FLT4: variants seen among roughly 807,000 people sequenced by gnomAD.
FLT4 encodes the protein vascular endothelial growth factor receptor 3.
A neutral mutation model predicts 163.2 loss-of-function variants in FLT4; 30 were observed. The ratio of observed to expected loss-of-function variants is 0.18; its 90% CI spans 0.14 to 0.25. The LOEUF is 0.25. Ranked by LOEUF, FLT4 falls within the 10% of genes least tolerant of loss-of-function variation. The pLI is 1.00. For synonymous variants in FLT4, 884 were observed against 789.5 expected, an observed-to-expected ratio of 1.12 and a Z score of -2.01; for missense variants, 1,510 against 1,863.8, an observed-to-expected ratio of 0.81 and a Z score of 3.50.
chr5:180,636,960 C>T lies in FLT4; in HGVS notation c.59-5182G>A, dbSNP rs914264208. Among the ~76,000 whole-genome samples, 4 of 152,158 alleles carry T rather than the reference C, an allele frequency of 2.6e-5. No individual in the cohort carries two copies. Among genetic ancestry groups the T allele is most frequent in the South Asian group, 2.1e-4 (1 of 4,820 alleles). On this transcript the variant is annotated intron_variant, in intron 1 of 29. Coordinates refer to ENST00000261937, the MANE Select transcript of FLT4 (RefSeq NM_182925.5). The surrounding 1 kb of genome is among the most constrained non-coding windows in gnomAD (Gnocchi z 4.3). ...ACAGCACAACACTGGCAGCACAAGGCCCCCACAGGAGCTCCTCCCCCCCAT... is the reference window on the plus strand; with the variant it reads ...ACAGCACAACACTGGCAGCACAAGGTCCCCACAGGAGCTCCTCCCCCCCAT...
chr5:180,619,886 C>A (rs1189121948), intron 17 of FLT4, 117 bp from the exon 18 acceptor site: 2 of 765,670 alleles, frequency 2.6e-6, no homozygotes, highest in African/African-American at 1.7e-5. Context: ...GCAGGAGGAG[C>A]GTGGGGAGCC....
chr5:180,639,987 A>G (rs1764979843), intron 1 of FLT4, among the ~76,000 whole-genome samples: 1 of 152,184 alleles, frequency 6.6e-6, no homozygotes, highest in Non-Finnish European at 1.5e-5. Context: ...TGGAGGTCAG[A>G]AAGGCCAGAA....
chr5:180,620,599 G>A lies in FLT4; in HGVS notation c.2406+10C>T, dbSNP rs145063070. 12 of 1,592,172 alleles carry A rather than the reference G, an allele frequency of 7.5e-6. No individual in the cohort carries two copies. The Admixed American group carries it at 1.8e-4, about 24-fold the overall frequency. On this transcript the variant is annotated intron_variant, in intron 16 of 29. Transcript: ENST00000261937. This position sits in a 1 kb window ranked among gnomAD's most constrained non-coding sequence, Gnocchi z 4.4. ...GAGAGACTCCATCAGGAGCGGGGAG[G>A]GACACTCACCCTCCTCATGTTACAG...
At chr5:180,617,052 C>T in intron 21 of FLT4, 58 bp from the exon 22 acceptor site, 1 of 1,269,530 alleles carries the variant, frequency 7.9e-7, no homozygotes, top group South Asian at 1.2e-5. Flanking sequence ...TCCATCTACC[C>T]AGCCCCAGGG....
chr5:180,632,850 C>A (rs1187098833), intron 1 of FLT4, among the ~76,000 whole-genome samples: 2 of 152,030 alleles, frequency 1.3e-5, no homozygotes, highest in Non-Finnish European at 2.9e-5. Flanking sequence ...AGGTCTGGGT[C>A]TGGAACTCTG....
chr5:180,647,426 GC>G (rs1461345904), intron 1 of FLT4, among the ~76,000 whole-genome samples: 2 of 152,062 alleles, frequency 1.3e-5, no homozygotes, highest in East Asian at 3.9e-4. Context: ...AAAGGAGGGG[GC>G]CCAGGTCACA....
intron 1 of FLT4, among the ~76,000 whole-genome samples, chr5:180,638,454 A>C (rs1055950035): frequency 3.3e-5 from 5 of 152,196 alleles, no homozygotes; most frequent in Admixed American, 2.0e-4. Flanking sequence ...CACGCACCCC[A>C]AAGTGGCTTC....
chr5:180,630,212 G>A lies in FLT4; in HGVS notation c.513+13C>T, dbSNP rs2127836747. 2 of 1,611,194 alleles carry A rather than the reference G, an allele frequency of 1.2e-6. No individual in the cohort carries two copies. On this transcript the variant is annotated intron_variant, in intron 4 of 29. Coordinates refer to ENST00000261937, the MANE Select transcript of FLT4 (RefSeq NM_182925.5). The surrounding 1 kb of genome is among the most constrained non-coding windows in gnomAD (Gnocchi z 6.3). ...TGGGAGGGTCGGATGCTGGGGTTGG[G>A]GTGGGGCCGTACCGAGCGCAGCGTG... is the stretch of plus-strand genomic sequence containing the variant.
At position 180,636,784 on chromosome 5, in the gene FLT4, C is replaced by T. The variant is rs1764722099; in HGVS notation, c.59-5006G>A. 6.6e-6 allele frequency among the ~76,000 whole-genome samples: 1 copy of T among 152,110 alleles called. No individual in the cohort carries two copies. Among genetic ancestry groups the T allele is most frequent in the African/African-American group, 2.4e-5 (1 of 41,420 alleles). On this transcript the variant is annotated intron_variant, in intron 1 of 29. Coordinates refer to ENST00000261937, the MANE Select transcript of FLT4 (RefSeq NM_182925.5). This position sits in a 1 kb window ranked among gnomAD's most constrained non-coding sequence, Gnocchi z 4.3. ...TCCCCTGTTCTTGATCCACATCCTT[C>T]AGCCTCATCAAAGCCCCCACTGCTT... is the stretch of plus-strand genomic sequence containing the variant.
chr5:180,626,598 T>A (rs1436477414), intron 8 of FLT4, among the ~76,000 whole-genome samples: 1 of 152,194 alleles, frequency 6.6e-6, no homozygotes. Context: ...CTTCTCTCCC[T>A]GCCTGTGGCT....
chr5:180,626,442 C>T (rs911859148), intron 8 of FLT4, among the ~76,000 whole-genome samples, 177 bp from the exon 9 acceptor site: 1 of 152,176 alleles, frequency 6.6e-6, no homozygotes, highest in Non-Finnish European at 1.5e-5. Context: ...GGTCTCCAGG[C>T]CGTATCTGCC....
chr5:180,617,027 G>A (rs759265134), intron 21 of FLT4, 33 bp from the exon 22 acceptor site: 27 of 1,517,532 alleles, frequency 1.8e-5, no homozygotes, highest in Non-Finnish European at 2.3e-5. Flanking sequence ...CTCAGGAGGC[G>A]CCTCCTCCGC....
At position 180,614,725 on chromosome 5, in the gene FLT4, A is replaced by AC. The variant is rs539745736; in HGVS notation, c.3220-547dup. Among the ~76,000 whole-genome samples the AC allele has an allele frequency of 7.9e-4, 119 of 150,602 alleles. 1 individual carries two copies. The East Asian group carries it at 0.022, about 27-fold the overall frequency. On this transcript the variant is annotated intron_variant, in intron 23 of 29. Coordinates refer to ENST00000261937, the MANE Select transcript of FLT4 (RefSeq NM_182925.5). The stretch of plus-strand genomic sequence containing the variant: ...GACTGGCCTCTACCTCCACCCCAGC[A>AC]CCCCCACTCCCCTCTCTTCCCAGCT...
At chr5:180,638,569 C>T (rs80119126) in intron 1 of FLT4, among the ~76,000 whole-genome samples, 1 of 152,212 alleles carries the variant, frequency 6.6e-6, no homozygotes, top group South Asian at 2.1e-4. Flanking sequence ...GCTTCAATCT[C>T]GCCGGTGCAC....
chr5:180,613,548 ACTG>A (rs929137424), intron 24 of FLT4: 4 of 221,916 alleles, frequency 1.8e-5, no homozygotes, highest in African/African-American at 1.0e-4. Flanking sequence ...CCCGTCCTGG[ACTG>A]CTGAACTCCC....
At chr5:180,639,240 C>T (rs28626990) in intron 1 of FLT4, among the ~76,000 whole-genome samples, 43 of 11,210 alleles carry the variant, frequency 3.8e-3, no homozygotes, top group Admixed American at 0.011. Context: ...GATGGGTGGA[C>T]GGATGGATGG....
At chr5:180,603,935 G>A (rs1309337990) in intron 29 of FLT4, among the ~76,000 whole-genome samples, 1 of 151,632 alleles carries the variant, frequency 6.6e-6, no homozygotes, top group African/African-American at 2.4e-5. Flanking sequence ...AGCCCAGGAG[G>A]TGGAGGTTTC....
chr5:180,644,386 C>T (rs944179148), intron 1 of FLT4, among the ~76,000 whole-genome samples: 2 of 152,194 alleles, frequency 1.3e-5, no homozygotes, highest in Admixed American at 6.5e-5. Context: ...TTGTAAAGGT[C>T]TCTGGGACAG....
chr5:180,626,484 G>A (rs576629116), intron 8 of FLT4, among the ~76,000 whole-genome samples: 5 of 152,146 alleles, frequency 3.3e-5, no homozygotes, highest in East Asian at 3.8e-4. Flanking sequence ...CGGCCGGCTC[G>A]GGCATTGGTC....
Sources: gnomAD v4.1 joint callset for allele counts (sites outside exome capture counted in the v4.1 genomes callset) on GRCh38, gnomAD v4.1.1 for gene constraint, Gnocchi (gnomAD v3.1) non-coding constraint, MANE v1.5 for transcripts, NCBI Gene and HGNC (gene_info 2026-07-23, HGNC 2026-07-21) for gene names.